Variants in MIR2052HG observed in about 807,000 individuals in gnomAD.
MIR2052HG encodes the protein MIR2052 host gene.
At chr8:74,622,222 C>T (rs1808371559) in intron 2 of MIR2052HG, among the ~76,000 whole-genome samples, 1 of 152,028 alleles carries the variant, frequency 6.6e-6, no homozygotes. Context: ...AATAAATAAT[C>T]CATTTAAAGA....
At chr8:74,757,659 C>G (rs2128757341) in intron 5 of MIR2052HG, 1 of 152,268 alleles carries the variant, frequency 6.6e-6, no homozygotes, top group African/African-American at 2.4e-5. Context: ...AAAATTTTAA[C>G]CCAAATCTAA....
intron 2 of MIR2052HG, among the ~76,000 whole-genome samples, chr8:74,690,131 A>G (rs144725641): frequency 1.0e-3 from 158 of 152,322 alleles, no homozygotes; most frequent in African/African-American, 3.5e-3. Flanking sequence ...CTAATCATGT[A>G]TTTCCATACG....
intron 4 of MIR2052HG, among the ~76,000 whole-genome samples, chr8:74,718,914 C>T (rs569508365): frequency 2.6e-5 from 4 of 152,226 alleles, no homozygotes; most frequent in South Asian, 2.1e-4. Flanking sequence ...TGAATTTTAA[C>T]GTATTAATTT....
chr8:74,714,997 A>G (rs1394028370), intron 4 of MIR2052HG, among the ~76,000 whole-genome samples: 1 of 151,976 alleles, frequency 6.6e-6, no homozygotes, highest in Non-Finnish European at 1.5e-5. Flanking sequence ...TTCCTTTTCT[A>G]TTGTTTTTTT....
At chr8:74,656,037 C>T (rs1586905104) in intron 2 of MIR2052HG, among the ~76,000 whole-genome samples, 1 of 152,144 alleles carries the variant, frequency 6.6e-6, no homozygotes, top group Non-Finnish European at 1.5e-5. Context: ...GGATTTTGAA[C>T]TTGCGTGGGC....
chr8:74,686,597 G>T (rs1809183574), intron 2 of MIR2052HG, among the ~76,000 whole-genome samples: 1 of 151,978 alleles, frequency 6.6e-6, no homozygotes, highest in Admixed American at 6.6e-5. Context: ...TGTCACCTTG[G>T]GTAAGTTTCT....
intron 2 of MIR2052HG, among the ~76,000 whole-genome samples, chr8:74,651,856 T>C (rs1808756376): frequency 6.6e-6 from 1 of 152,124 alleles, no homozygotes; most frequent in Admixed American, 6.6e-5. Flanking sequence ...GAAATCAAAG[T>C]GTGGACTCAA....
At chr8:74,609,646 A>G (rs1186499119) in intron 1 of MIR2052HG, 1 of 151,316 alleles carries the variant, frequency 6.6e-6, no homozygotes, top group East Asian at 1.9e-4. Flanking sequence ...TAACATATAA[A>G]GATCAATCAA....
At chr8:74,643,143 A>G (rs1808657155) in intron 2 of MIR2052HG, among the ~76,000 whole-genome samples, 1 of 152,214 alleles carries the variant, frequency 6.6e-6, no homozygotes, top group African/African-American at 2.4e-5. Context: ...AAAAGAATCC[A>G]CAGGTAGGAA....
intron 2 of MIR2052HG, among the ~76,000 whole-genome samples, chr8:74,668,168 C>T (rs1586908543): frequency 6.6e-6 from 1 of 151,738 alleles, no homozygotes; most frequent in South Asian, 2.1e-4. Context: ...TCAGAGGCTA[C>T]TGACACATTG....
intron 2 of MIR2052HG, among the ~76,000 whole-genome samples, chr8:74,692,748 G>A (rs561269884): frequency 1.3e-5 from 2 of 152,306 alleles, no homozygotes; most frequent in South Asian, 2.1e-4. Flanking sequence ...AGGCATTAAA[G>A]TTCAGGTTAA....
At chr8:74,638,691 C>T (rs1808608238) in intron 2 of MIR2052HG, among the ~76,000 whole-genome samples, 1 of 152,108 alleles carries the variant, frequency 6.6e-6, no homozygotes, top group African/African-American at 2.4e-5. Context: ...GAAACACTGT[C>T]TCTGAGGGGA....
chr8:74,650,145 C>A (rs1004667097), intron 2 of MIR2052HG, among the ~76,000 whole-genome samples: 20 of 152,226 alleles, frequency 1.3e-4, no homozygotes, highest in Admixed American at 1.3e-3. Flanking sequence ...GTCTGATGAA[C>A]TTTTGCAATT....
At chr8:74,609,796 AAG>A (rs1010671123) in intron 1 of MIR2052HG, 3 of 150,674 alleles carry the variant, frequency 2.0e-5, no homozygotes, top group East Asian at 3.9e-4. Context: ...TAGGACTAAA[AAG>A]AGAGTGCTTC....
intron 2 of MIR2052HG, among the ~76,000 whole-genome samples, chr8:74,674,023 T>C (rs549386990): frequency 6.6e-6 from 1 of 151,202 alleles, no homozygotes; most frequent in Admixed American, 6.6e-5. Context: ...AACAAGCAAT[T>C]AGTCTCCATG....
At chr8:74,693,759 T>C (rs1809267064) in intron 2 of MIR2052HG, among the ~76,000 whole-genome samples, 1 of 151,166 alleles carries the variant, frequency 6.6e-6, no homozygotes, top group African/African-American at 2.4e-5. Context: ...AAAACATAAC[T>C]CCATAGGTCT....
At chr8:74,734,592 C>T (rs1809728017) in intron 4 of MIR2052HG, among the ~76,000 whole-genome samples, 1 of 152,210 alleles carries the variant, frequency 6.6e-6, no homozygotes, top group Non-Finnish European at 1.5e-5. Context: ...CTCTTTCTTC[C>T]CAACTGTAGG....
At chr8:74,702,081 A>C (rs182964020) in intron 2 of MIR2052HG, among the ~76,000 whole-genome samples, 4 of 152,212 alleles carry the variant, frequency 2.6e-5, no homozygotes, top group Middle Eastern at 3.4e-3. Flanking sequence ...TAGAGAGGGC[A>C]CAGGTTAAAG....
intron 2 of MIR2052HG, among the ~76,000 whole-genome samples, chr8:74,663,774 T>G (rs1444404513): frequency 6.6e-6 from 1 of 152,222 alleles, no homozygotes; most frequent in African/African-American, 2.4e-5. Flanking sequence ...GTAAGTAGCA[T>G]TTACCTCTGA....
Sources: allele counts gnomAD v4.1 joint callset (sites outside exome capture counted in the v4.1 genomes callset), GRCh38; gene constraint gnomAD v4.1.1; transcripts MANE v1.5; gene names NCBI Gene and HGNC (gene_info 2026-07-23, HGNC 2026-07-21).